The following ELP4 variants were observed in gnomAD, a reference collection of about 807,000 sequenced individuals.
ELP4 encodes the protein elongator complex protein 4.
ELP4 carries 51 observed loss-of-function variants against 48.9 expected under a neutral mutation model. That is an observed-to-expected ratio of 1.04 (90% CI 0.83 to 1.32). ELP4 has a LOEUF of 1.32. Ranked by LOEUF, ELP4 falls within the 40% of genes most tolerant of loss-of-function variation. ELP4 has a pLI of 0.00. For synonymous variants in ELP4, 210 were observed against 189.2 expected, an observed-to-expected ratio of 1.11 and a Z score of -0.90; for missense variants, 519 against 514.6, an observed-to-expected ratio of 1.01 and a Z score of -0.08.
At position 31,742,751 on chromosome 11, in the gene ELP4, C is replaced by T. The variant is rs529565196; in HGVS notation, c.1144-40642C>T. Among the ~76,000 whole-genome samples the T allele has an allele frequency of 4.6e-5, 7 of 152,224 alleles. No individual in the cohort carries two copies. The South Asian group carries it at 1.2e-3, about 27-fold the overall frequency. ...GCCCTAAAAGAGCTCCTGAAGGAAG[C>T]ACTAAACATGGAAAGGATCAACCAG... On this transcript the variant is annotated intron_variant, in intron 9 of 9. Transcript: ENST00000640961.
intron 9 of ELP4, chr11:31,653,938 A>T (rs111339723): frequency 6.6e-6 from 1 of 151,768 alleles, no homozygotes; most frequent in African/African-American, 2.4e-5. Flanking sequence ...AAGTAAGATT[A>T]GGCAGAATTT....
intron 3 of ELP4, among the ~76,000 whole-genome samples, chr11:31,555,810 G>A (rs1023557520): frequency 6.6e-6 from 1 of 151,912 alleles, no homozygotes. Context: ...TAGGATTTCA[G>A]TATGCAGACC....
At chr11:31,545,186 G>A (rs949377422) in intron 3 of ELP4, among the ~76,000 whole-genome samples, 6 of 152,110 alleles carry the variant, frequency 3.9e-5, no homozygotes, top group African/African-American at 7.2e-5. Flanking sequence ...ATCAAACTAC[G>A]AGCTACAGGA....
intron 2 of ELP4, 140 bp downstream of exon 2, chr11:31,520,231 A>G (rs1201069609): frequency 1.5e-6 from 1 of 669,010 alleles, no homozygotes; most frequent in Non-Finnish European, 2.4e-6. Context: ...AATTGACTTA[A>G]GTTCTATTTT....
At chr11:31,537,653 G>A (rs1487806498) in intron 2 of ELP4, among the ~76,000 whole-genome samples, 1 of 152,130 alleles carries the variant, frequency 6.6e-6, no homozygotes, top group African/African-American at 2.4e-5. Context: ...GGCAGGAGCA[G>A]GAGGAAGAGA....
intron 3 of ELP4, among the ~76,000 whole-genome samples, chr11:31,563,981 G>A (rs112323840): frequency 6.6e-6 from 1 of 152,098 alleles, no homozygotes; most frequent in African/African-American, 2.4e-5. Flanking sequence ...TTTATGCCTA[G>A]CATTTTCTTG....
At chr11:31,541,170 A>C (rs1956584544) in intron 3 of ELP4, among the ~76,000 whole-genome samples, 1 of 152,220 alleles carries the variant, frequency 6.6e-6, no homozygotes, top group Non-Finnish European at 1.5e-5. Context: ...ATGCCAACAA[A>C]CTTCTTTGCC....
At chr11:31,712,402 C>T (rs1946760768) in intron 9 of ELP4, among the ~76,000 whole-genome samples, 1 of 151,958 alleles carries the variant, frequency 6.6e-6, no homozygotes, top group African/African-American at 2.4e-5. Context: ...TCTCTTGTAA[C>T]CAGAGGTAAG....
chr11:31,739,370 C>G (rs1447117051), intron 9 of ELP4, among the ~76,000 whole-genome samples: 1 of 152,046 alleles, frequency 6.6e-6, no homozygotes, highest in African/African-American at 2.4e-5. Flanking sequence ...CACTGTGGAT[C>G]TATGTTGTAT....
intron 2 of ELP4, among the ~76,000 whole-genome samples, chr11:31,521,535 C>G (rs918896891): frequency 6.6e-6 from 1 of 151,986 alleles, no homozygotes; most frequent in African/African-American, 2.4e-5. Context: ...AATTACATCC[C>G]TTTTTAGATT....
intron 2 of ELP4, among the ~76,000 whole-genome samples, chr11:31,532,482 G>C (rs1049635135): frequency 7.2e-5 from 11 of 151,980 alleles, no homozygotes; most frequent in African/African-American, 2.7e-4. Flanking sequence ...GTGACATCTA[G>C]TTTGTTTATT....
chr11:31,632,966 C>A (rs1421272549), intron 7 of ELP4: 1 of 151,952 alleles, frequency 6.6e-6, no homozygotes, highest in Non-Finnish European at 1.5e-5. Context: ...CTGCCTCAAG[C>A]ATGTGATTTC....
intron 9 of ELP4, among the ~76,000 whole-genome samples, chr11:31,780,968 A>G (rs187992206): frequency 1.3e-5 from 2 of 152,170 alleles, no homozygotes; most frequent in African/African-American, 4.8e-5. Flanking sequence ...CTACCCCATA[A>G]AGCTTTTTCA....
intron 9 of ELP4, among the ~76,000 whole-genome samples, chr11:31,661,620 A>T (rs1269332025): frequency 6.6e-6 from 1 of 152,038 alleles, no homozygotes; most frequent in Admixed American, 6.6e-5. Context: ...ATGAATGGAT[A>T]AATGAATGAA....
intron 2 of ELP4, among the ~76,000 whole-genome samples, chr11:31,532,848 T>C (rs1233672054): frequency 6.7e-6 from 1 of 149,388 alleles, no homozygotes; most frequent in Admixed American, 6.6e-5. Flanking sequence ...CTCGGCTCAT[T>C]GTAACCTCTG....
intron 3 of ELP4, among the ~76,000 whole-genome samples, chr11:31,558,140 C>G (rs530141881): frequency 6.6e-6 from 1 of 151,668 alleles, no homozygotes; most frequent in Non-Finnish European, 1.5e-5. Context: ...CAGGGTTTCA[C>G]TCTTTTTTTT....
intron 1 of ELP4, among the ~76,000 whole-genome samples, chr11:31,514,641 G>C (rs1267825269): frequency 6.6e-6 from 1 of 152,098 alleles, no homozygotes; most frequent in East Asian, 1.9e-4. Context: ...ATTGTATTGG[G>C]AAAAGATATT....
intron 9 of ELP4, among the ~76,000 whole-genome samples, chr11:31,763,982 G>C (rs924924379): frequency 4.6e-5 from 7 of 151,866 alleles, no homozygotes; most frequent in Non-Finnish European, 1.0e-4. Flanking sequence ...TTGATAATAA[G>C]CTTTATTGTC....
chr11:31,623,355 A>AT (rs1491512431), intron 5 of ELP4, among the ~76,000 whole-genome samples: 8 of 22,488 alleles, frequency 3.6e-4, no homozygotes, highest in Non-Finnish European at 5.5e-4. Flanking sequence ...TTTTCAGCAA[A>AT]TATATATATA....
Sources: allele counts gnomAD v4.1 joint callset (sites outside exome capture counted in the v4.1 genomes callset), GRCh38; gene constraint gnomAD v4.1.1; transcripts MANE v1.5; gene names NCBI Gene and HGNC (gene_info 2026-07-23, HGNC 2026-07-21).